Variants in SCN8A observed in about 807,000 individuals in gnomAD.
The protein encoded by SCN8A is sodium channel protein type 8 subunit alpha.
A neutral mutation model predicts 184.1 loss-of-function variants in SCN8A; 30 were observed. The observed-to-expected ratio is 0.16, with a 90% CI of 0.12 to 0.22. The LOEUF (loss-of-function observed/expected upper bound fraction) is 0.22, where lower values mean the gene tolerates loss of function less well. Among genes scored for constraint, SCN8A ranks in the 10% least tolerant of loss-of-function variants. The pLI, the probability that SCN8A is intolerant of heterozygous loss-of-function variation, is 1.00. For missense variants in SCN8A, 1,057 were observed against 2,498.9 expected (o/e 0.42, Z 12.30); for synonymous variants, 852 against 907.0 (o/e 0.94, Z 1.09).
chr12:51,639,278 T>C (rs1011260113), intron 1 of SCN8A, among the ~76,000 whole-genome samples: 8 of 152,182 alleles, frequency 5.3e-5, no homozygotes, highest in Admixed American at 4.6e-4. Flanking sequence ...GAAAGTCGTT[T>C]CCTGAGATGG....
At chr12:51,805,363 T>G (rs2138940457) in intron 26 of SCN8A, among the ~76,000 whole-genome samples, 1 of 152,196 alleles carries the variant, frequency 6.6e-6, no homozygotes, top group Middle Eastern at 3.4e-3. Flanking sequence ...AGGATCGGAT[T>G]GCTTGAACCC....
In SCN8A at chr12:51,745,888, T is replaced by TC. The variant is rs1942502525; in HGVS notation, c.1999-15_1999-14insC. 1 of 1,544,978 alleles carries TC rather than the reference T, an allele frequency of 6.5e-7. No homozygotes were observed. Among genetic ancestry groups the TC allele is most frequent in the Non-Finnish European group, 8.7e-7 (1 of 1,149,504 alleles). On this transcript the variant is annotated splice_polypyrimidine_tract_variant and intron_variant, in intron 12 of 26. Transcript: ENST00000627620. The stretch of plus-strand genomic sequence containing the variant: ...TTAACTCACTCTATTTGCTTTTCTT[T>TC]TTTTTTTTTTAAAGGCTACAACTGA...
At chr12:51,742,847 T>C (rs917976581) in intron 12 of SCN8A, among the ~76,000 whole-genome samples, 2 of 152,188 alleles carry the variant, frequency 1.3e-5, no homozygotes, top group African/African-American at 4.8e-5. Context: ...TTTTCCCTTT[T>C]GAGGCTATTT....
chr12:51,599,702 A>G (rs139518464), intron 1 of SCN8A, among the ~76,000 whole-genome samples: 156 of 152,332 alleles, frequency 1.0e-3, no homozygotes, highest in African/African-American at 3.4e-3. Flanking sequence ...ATGGACATCC[A>G]CTTAGTTGGC....
chr12:51,604,035 T>TA (rs1158698130), intron 1 of SCN8A, among the ~76,000 whole-genome samples: 2 of 152,184 alleles, frequency 1.3e-5, no homozygotes, highest in Non-Finnish European at 2.9e-5. Context: ...CTTTTCTTAA[T>TA]AGTGTTTTTA....
chr12:51,692,225 T>A (rs1259793604), intron 6 of SCN8A, among the ~76,000 whole-genome samples: 1 of 152,176 alleles, frequency 6.6e-6, no homozygotes, highest in Admixed American at 6.5e-5. Context: ...CAAAGCTCCC[T>A]GTGTATCAAC....
At chr12:51,783,564 C>A (rs1937991020) in intron 21 of SCN8A, among the ~76,000 whole-genome samples, 1 of 152,158 alleles carries the variant, frequency 6.6e-6, no homozygotes, top group African/African-American at 2.4e-5. Context: ...AGCACTTGTG[C>A]TATAGGCAAA....
intron 1 of SCN8A, among the ~76,000 whole-genome samples, chr12:51,660,040 G>A (rs950668980): frequency 1.7e-4 from 26 of 152,294 alleles, no homozygotes; most frequent in Admixed American, 4.6e-4. Context: ...GAATAAATGA[G>A]ATCCCTAAAA....
intron 1 of SCN8A, among the ~76,000 whole-genome samples, chr12:51,645,291 G>C (rs1940553061): frequency 6.7e-6 from 1 of 149,186 alleles, no homozygotes; most frequent in African/African-American, 2.5e-5. Context: ...GAAGTGAGGA[G>C]CCCCTCTGCC....
chr12:51,795,971 C>T (rs753228878), intron 26 of SCN8A, among the ~76,000 whole-genome samples: 1 of 151,878 alleles, frequency 6.6e-6, no homozygotes, highest in South Asian at 2.1e-4. Flanking sequence ...TGTTTAAGCC[C>T]GGGAGGTCAA....
intron 6 of SCN8A, among the ~76,000 whole-genome samples, chr12:51,696,314 A>G (rs1941591751): frequency 6.6e-6 from 1 of 152,268 alleles, no homozygotes. Context: ...CTTTGAAAAC[A>G]GTAAACTTGC....
intron 1 of SCN8A, among the ~76,000 whole-genome samples, chr12:51,661,650 T>C (rs554488631): frequency 2.0e-5 from 3 of 152,322 alleles, no homozygotes; most frequent in East Asian, 3.9e-4. Flanking sequence ...ATTGTTCTTA[T>C]GGTGTTCACA....
chr12:51,691,527 C>T (rs1239498496), intron 6 of SCN8A, among the ~76,000 whole-genome samples: 1 of 152,004 alleles, frequency 6.6e-6, no homozygotes, highest in African/African-American at 2.4e-5. Flanking sequence ...GTAGTAGCAG[C>T]ACTTATGATT....
chr12:51,791,475 TCAAA>T (rs112153051), intron 25 of SCN8A, among the ~76,000 whole-genome samples: 16,058 of 152,012 alleles, frequency 0.11, 1,089 homozygotes, highest in East Asian at 0.36. Flanking sequence ...TCTCAGTACT[TCAAA>T]CAAACAAACA....
At chr12:51,665,442 C>A (rs1475074865) in intron 2 of SCN8A, among the ~76,000 whole-genome samples, 1 of 152,074 alleles carries the variant, frequency 6.6e-6, no homozygotes, top group Non-Finnish European at 1.5e-5. Flanking sequence ...AAAATATATA[C>A]CACCATACAG....
At chr12:51,779,185 A>T (rs1937812143) in intron 20 of SCN8A, among the ~76,000 whole-genome samples, 1 of 147,412 alleles carries the variant, frequency 6.8e-6, no homozygotes, top group Non-Finnish European at 1.5e-5. Flanking sequence ...GTGCCATTGC[A>T]CTCCAGCCTG....
At chr12:51,617,801 G>A (rs535168789) in intron 1 of SCN8A, among the ~76,000 whole-genome samples, 5 of 152,092 alleles carry the variant, frequency 3.3e-5, no homozygotes, top group African/African-American at 1.2e-4. Flanking sequence ...CTGTGGGCTG[G>A]GGTCCAAAAT....
At chr12:51,603,083 C>T (rs140862941) in intron 1 of SCN8A, among the ~76,000 whole-genome samples, 158 of 152,168 alleles carry the variant, frequency 1.0e-3, no homozygotes, top group African/African-American at 3.5e-3. Flanking sequence ...AATTTTTACA[C>T]ATGTATAGGT....
chr12:51,725,619 A>G (rs992546780), intron 12 of SCN8A, among the ~76,000 whole-genome samples: 2 of 152,184 alleles, frequency 1.3e-5, no homozygotes, highest in African/African-American at 2.4e-5. Context: ...ACCTTAAACC[A>G]TGGTCTTTCT....
Sources: allele counts gnomAD v4.1 joint callset (sites outside exome capture counted in the v4.1 genomes callset), GRCh38; gene constraint gnomAD v4.1.1; transcripts MANE v1.5; gene names NCBI Gene and HGNC (gene_info 2026-07-23, HGNC 2026-07-21).